Variants in ZBBX observed in about 807,000 individuals in gnomAD.
The protein encoded by ZBBX is zinc finger B-box domain containing.
ZBBX carries 101 observed loss-of-function variants against 108.5 expected under a neutral mutation model. The observed-to-expected ratio is 0.93, with a 90% CI of 0.79 to 1.10. The LOEUF is 1.10. Among genes scored for constraint, ZBBX ranks in the 50% least tolerant of loss-of-function variants. The pLI is 0.00. For synonymous variants in ZBBX, 356 were observed against 323.4 expected (o/e 1.10, Z -1.08); for missense variants, 1,009 against 941.4 (o/e 1.07, Z -0.94).
At chr3:167,293,987 A>G (rs1731175583) in intron 18 of ZBBX, among the ~76,000 whole-genome samples, 2 of 152,218 alleles carry the variant, frequency 1.3e-5, no homozygotes, top group South Asian at 4.1e-4. Flanking sequence ...ACAAGTTACA[A>G]GGGATGTGAA....
intron 9 of ZBBX, among the ~76,000 whole-genome samples, chr3:167,347,263 G>T (rs1379569627): frequency 1.3e-5 from 2 of 151,912 alleles, no homozygotes; most frequent in Admixed American, 1.3e-4. Context: ...GTTTTGGTAT[G>T]CATGTACATG....
upstream of ZBBX, among the ~76,000 whole-genome samples, chr3:167,382,658 TA>T (rs1356859426): frequency 6.6e-6 from 1 of 152,108 alleles, no homozygotes; most frequent in Non-Finnish European, 1.5e-5. Flanking sequence ...AGAAATAAGG[TA>T]AAGCCAAAAA....
the ZBBX span, among the ~76,000 whole-genome samples, chr3:167,217,808 G>C: frequency 1.3e-5 from 2 of 152,038 alleles, no homozygotes; most frequent in African/African-American, 4.8e-5. Context: ...CATGTCTTTG[G>C]TGAGAACATG....
In ZBBX at chr3:167,350,322, A is replaced by G. The variant is rs1742406611; in HGVS notation, c.528+98T>C. 3 of 878,240 alleles carry G rather than the reference A, an allele frequency of 3.4e-6. No homozygotes were observed. In the Admixed American group the frequency reaches 7.6e-5, roughly 22 times the overall value. The allele number at this position is 878,240 out of a possible 1,614,324, so 54.4% of individuals were successfully genotyped here. ...AATAGAATTTTAGAAATTAGCGTAA[A>G]TCATCCTGAGTTCTAGATAACTAAA... On this transcript the variant is annotated intron_variant, in intron 9 of 21. Transcript: ENST00000675490.
chr3:167,281,786 A>G (rs1576881583), intron 20 of ZBBX, among the ~76,000 whole-genome samples: 1 of 152,224 alleles, frequency 6.6e-6, no homozygotes, highest in East Asian at 1.9e-4. Context: ...ATACTCAATC[A>G]GAATTTTCAT....
intron 9 of ZBBX, 96 bp downstream of exon 9, chr3:167,350,324 C>A (rs1646351135): frequency 1.1e-6 from 1 of 880,730 alleles, no homozygotes; most frequent in Non-Finnish European, 1.7e-6. Flanking sequence ...TAGCGTAAAT[C>A]ATCCTGAGTT....
At chr3:167,397,141 G>GAAAAAAAAAAAAAAAAAAAAAAAA (rs1748261002) in intron 1 of ZBBX, among the ~76,000 whole-genome samples, 1 of 44,460 alleles carries the variant, frequency 2.2e-5, no homozygotes, top group Non-Finnish European at 4.5e-5. Flanking sequence ...GTTCTTGGTG[G>GAAAAAAAAAAAAAAAAAAAAAAAA]TAAAAAAAAA....
At chr3:167,198,092 A>G in the ZBBX span, among the ~76,000 whole-genome samples, 1 of 152,212 alleles carries the variant, frequency 6.6e-6, no homozygotes, top group Non-Finnish European at 1.5e-5. Flanking sequence ...GAAGATTGAC[A>G]TTGATTTTTT....
the ZBBX span, among the ~76,000 whole-genome samples, chr3:167,197,715 C>T: frequency 1.8e-4 from 28 of 151,874 alleles, no homozygotes; most frequent in African/African-American, 4.8e-4. Context: ...AGTCATATTC[C>T]GAAAGTTGAT....
At position 167,288,854 on chromosome 3, in the gene ZBBX, G is replaced by T. The variant is rs1335982535; in HGVS notation, c.1996+13C>A. On this transcript the variant is annotated intron_variant, in intron 19 of 21. Transcript: ENST00000675490. The stretch of plus-strand genomic sequence containing the variant: ...CTGCCAACATGGCACTGCTGCCTTT[G>T]AGTCAATGTTACCCATCTTTTGCTG... 2.6e-6 allele frequency: 4 copies of T among 1,510,498 alleles called. No individual in the cohort carries two copies. The African/African-American group carries it at 4.1e-5, about 16-fold the overall frequency. The allele number at this position is 1,510,498 out of a possible 1,614,324, so 93.6% of individuals were successfully genotyped here.
chr3:167,340,331 A>G (rs1740321989), intron 9 of ZBBX, among the ~76,000 whole-genome samples: 1 of 152,134 alleles, frequency 6.6e-6, no homozygotes, highest in African/African-American at 2.4e-5. Context: ...TAAATTCCTC[A>G]AAGTATCATA....
intron 6 of ZBBX, among the ~76,000 whole-genome samples, chr3:167,364,755 C>T (rs1745074208): frequency 6.6e-6 from 1 of 151,898 alleles, no homozygotes; most frequent in South Asian, 2.1e-4. Context: ...TTTCTTTAAG[C>T]TTTATTCTTT....
At chr3:167,347,887 T>C (rs1045796384) in intron 9 of ZBBX, among the ~76,000 whole-genome samples, 31 of 152,192 alleles carry the variant, frequency 2.0e-4, no homozygotes, top group African/African-American at 6.5e-4. Context: ...TTCTTTATTG[T>C]ATTTAACTTT....
At chr3:167,396,378 T>C (rs1219532820) in intron 1 of ZBBX, among the ~76,000 whole-genome samples, 2 of 152,152 alleles carry the variant, frequency 1.3e-5, no homozygotes, top group South Asian at 2.1e-4. Flanking sequence ...AGGGGCGACA[T>C]TGACCTTGAA....
intron 20 of ZBBX, among the ~76,000 whole-genome samples, chr3:167,247,951 C>A (rs1721877332): frequency 6.6e-6 from 1 of 152,168 alleles, no homozygotes; most frequent in South Asian, 2.1e-4. Flanking sequence ...CGTATCTTTT[C>A]TCTCATATGG....
chr3:167,278,358 C>T (rs1263340002), intron 20 of ZBBX, among the ~76,000 whole-genome samples: 1 of 150,530 alleles, frequency 6.6e-6, no homozygotes, highest in East Asian at 2.0e-4. Context: ...ACTAGCAAGA[C>T]TAATAAAGAA....
At chr3:167,274,031 G>A (rs142650323) in intron 20 of ZBBX, among the ~76,000 whole-genome samples, 30 of 152,154 alleles carry the variant, frequency 2.0e-4, no homozygotes, top group African/African-American at 5.6e-4. Context: ...TAGCCAAATG[G>A]CTTGGGAAAA....
intron 20 of ZBBX, among the ~76,000 whole-genome samples, chr3:167,280,951 G>T (rs1388185460): frequency 1.3e-5 from 2 of 152,184 alleles, no homozygotes; most frequent in Admixed American, 6.5e-5. Context: ...CATGTCCTTT[G>T]TAGGGACATG....
At chr3:167,215,173 TC>T in the ZBBX span, among the ~76,000 whole-genome samples, 2 of 151,560 alleles carry the variant, frequency 1.3e-5, no homozygotes, top group African/African-American at 4.8e-5. Flanking sequence ...GAAAAGTAAT[TC>T]AAAAGATCAA....
Sources: allele counts gnomAD v4.1 joint callset (sites outside exome capture counted in the v4.1 genomes callset), GRCh38; gene constraint gnomAD v4.1.1; transcripts MANE v1.5; gene names NCBI Gene and HGNC (gene_info 2026-07-23, HGNC 2026-07-21).